Variants in SPTBN1 observed in about 807,000 individuals in gnomAD.
SPTBN1 encodes spectrin beta, non-erythrocytic 1.
SPTBN1 carries 32 observed loss-of-function variants against 266.4 expected under a neutral mutation model. The ratio of observed to expected loss-of-function variants is 0.12; its 90% confidence interval spans 0.09 to 0.16. The LOEUF (loss-of-function observed/expected upper bound fraction) is 0.16, where lower values mean the gene tolerates loss of function less well. SPTBN1 is among the 10% of genes least tolerant of loss of function. SPTBN1 has a pLI of 1.00. For synonymous variants in SPTBN1, 1,336 were observed against 1,162.2 expected, an observed-to-expected ratio of 1.15 and a Z score of -3.04; for missense variants, 2,296 against 3,067.1, an observed-to-expected ratio of 0.75 and a Z score of 5.94.
chr2:54,475,823 T>G (rs1667796933), intron 1 of SPTBN1, among the ~76,000 whole-genome samples: 1 of 152,226 alleles, frequency 6.6e-6, no homozygotes, highest in African/African-American at 2.4e-5. Context: ...TTTAGTTTTC[T>G]TGTGTCAAAG....
chr2:54,539,975 T>A (rs548987716), intron 2 of SPTBN1, among the ~76,000 whole-genome samples: 9 of 152,290 alleles, frequency 5.9e-5, no homozygotes, highest in Non-Finnish European at 1.3e-4. Context: ...GTCATGAAAG[T>A]GGAGCCCTCG....
chr2:54,488,621 CATT>C (rs1454967681), intron 1 of SPTBN1, among the ~76,000 whole-genome samples: 1 of 152,020 alleles, frequency 6.6e-6, no homozygotes, highest in Non-Finnish European at 1.5e-5. Context: ...CAGTGTTGTG[CATT>C]ATTATCTCAT....
rs1680643475 is a variant in SPTBN1 at position 54,656,204 on chromosome 2, C to CCTGA, written c.6046+206_6046+207insCTGA. Reference sequence around the variant, plus strand: ...AGTCATTTTTCACCTCTTGATTGATCTCAGTGTCATAGGTGGGATTTGGAT... The same window carrying CCTGA: ...AGTCATTTTTCACCTCTTGATTGATCCTGATCAGTGTCATAGGTGGGATTTGGAT... On this transcript the variant is annotated intron_variant, in intron 29 of 35. Transcript: ENST00000356805. 2.6e-5 allele frequency among the ~76,000 whole-genome samples: 4 copies of CCTGA among 152,136 alleles called. No homozygotes were observed. In the South Asian group the frequency reaches 8.3e-4, roughly 32 times the overall value.
Position 54,612,310 on chromosome 2 carries a change from C to G in SPTBN1, c.450C>G (p.Ile150Met). Reference protein sequence around the residue: ...DGNHRLTLGLIWTIILRFQIQ... With the variant: ...DGNHRLTLGLMWTIILRFQIQ... ...ACCACCGGCTGACCCTTGGCCTCAT[C>G]TGGACCATCATCCTGCGCTTCCAGG... The change falls in exon 4 of 36, where the codon ATC becomes ATG. Residue 150 changes from isoleucine to methionine, a missense_variant. By Grantham distance (10) the Ile-to-Met change is conservative (BLOSUM62 1). This residue lies in a region of SPTBN1 where 178 missense variants were observed against 375.7 expected (regional missense o/e 0.47). Coordinates refer to ENST00000356805, the MANE Select transcript of SPTBN1 (RefSeq NM_003128.3). 4.3e-6 allele frequency: 7 copies of G among 1,613,422 alleles called. No homozygotes were observed. The highest frequency in any genetic ancestry group is 5.9e-6 in the Non-Finnish European group (7 of 1,179,498).
chr2:54,519,730 G>A (rs1382117364), intron 1 of SPTBN1, among the ~76,000 whole-genome samples: 2 of 152,170 alleles, frequency 1.3e-5, no homozygotes, highest in Admixed American at 6.5e-5. Context: ...TTTTAGCACG[G>A]TCCCTCTGGT....
intron 8 of SPTBN1, 80 bp from the exon 9 acceptor site, chr2:54,622,220 A>C: frequency 2.7e-6 from 4 of 1,455,944 alleles, no homozygotes; most frequent in African/African-American, 1.4e-5. Flanking sequence ...TTTTGTGTGC[A>C]TGCACTCGTA....
chr2:54,632,377 A>G (rs1459947536), intron 16 of SPTBN1, among the ~76,000 whole-genome samples, 189 bp from the exon 17 acceptor site: 1 of 152,184 alleles, frequency 6.6e-6, no homozygotes, highest in Non-Finnish European at 1.5e-5. Flanking sequence ...TTAACCCCTG[A>G]GGGAAATTCG....
chr2:54,667,589 T>G lies in SPTBN1; in HGVS notation c.6834-15T>G. 1 of 1,613,290 alleles carries G rather than the reference T, an allele frequency of 6.2e-7. No individual in the cohort carries two copies. The highest frequency in any genetic ancestry group is 8.5e-7 in the Non-Finnish European group (1 of 1,179,266). On this transcript the variant is annotated splice_polypyrimidine_tract_variant and intron_variant, in intron 34 of 35. Transcript: ENST00000356805. ...GTAATTAAGTGGTGACTAACTTTCT[T>G]CCTTGAAATTACAGACTAAATGATG... is the stretch of plus-strand genomic sequence containing the variant.
At position 54,628,528 on chromosome 2, in the gene SPTBN1, C is replaced by T. The variant is rs1044690252; in HGVS notation, c.1798+278C>T. Among the ~76,000 whole-genome samples, 1 of 152,206 alleles carries T rather than the reference C, an allele frequency of 6.6e-6. No homozygotes were observed. The highest frequency in any genetic ancestry group is 1.5e-5 in the Non-Finnish European group (1 of 68,044). On this transcript the variant is annotated intron_variant, in intron 13 of 35. Transcript: ENST00000356805. This position sits in a 1 kb window ranked among gnomAD's most constrained non-coding sequence, Gnocchi z 4.3. ...TCATACCTCAGTCTCTCTGGCCATG[C>T]ACCGACACCCTGGTGTGGCTGTTCC...
intron 2 of SPTBN1, among the ~76,000 whole-genome samples, chr2:54,555,928 C>T (rs1573403037): frequency 6.6e-6 from 1 of 152,160 alleles, no homozygotes; most frequent in Non-Finnish European, 1.5e-5. Flanking sequence ...CCTCCTTGTC[C>T]TCTGAATTCT....
chr2:54,589,538 A>G (rs1675528595), intron 2 of SPTBN1, among the ~76,000 whole-genome samples: 1 of 152,240 alleles, frequency 6.6e-6, no homozygotes, highest in South Asian at 2.1e-4. Context: ...AGACAATTGC[A>G]TATTTGCTTC....
At chr2:54,662,440 C>A in intron 32 of SPTBN1, 1 of 454,054 alleles carries the variant, frequency 2.2e-6, no homozygotes, top group Non-Finnish European at 2.9e-6. Flanking sequence ...TCAGAAGAGG[C>A]TTCCCTGGCC....
chr2:54,502,306 T>C (rs1669316890), intron 1 of SPTBN1, among the ~76,000 whole-genome samples: 1 of 152,162 alleles, frequency 6.6e-6, no homozygotes, highest in Non-Finnish European at 1.5e-5. Context: ...CTCAGGAACG[T>C]AGCCTGTAGT....
intron 26 of SPTBN1, 126 bp downstream of exon 26, chr2:54,650,115 G>A (rs1220809242): frequency 1.9e-5 from 24 of 1,238,380 alleles, no homozygotes; most frequent in Non-Finnish European, 2.7e-5. Context: ...GCACATACAT[G>A]TACCCACTTT....
At chr2:54,641,958 A>C (rs113592726) in intron 18 of SPTBN1, among the ~76,000 whole-genome samples, 1 of 152,206 alleles carries the variant, frequency 6.6e-6, no homozygotes, top group Non-Finnish European at 1.5e-5. Flanking sequence ...ATTTGTTGTG[A>C]CAATAACTGG....
chr2:54,467,598 T>G (rs1026108538), intron 1 of SPTBN1, among the ~76,000 whole-genome samples: 5 of 152,194 alleles, frequency 3.3e-5, no homozygotes, highest in Admixed American at 1.3e-4. Context: ...TTGGCCAGAC[T>G]GGTCTCGAAC....
chr2:54,475,306 AAC>A (rs1667770826), intron 1 of SPTBN1, among the ~76,000 whole-genome samples: 1 of 152,244 alleles, frequency 6.6e-6, no homozygotes, highest in Admixed American at 6.5e-5. Flanking sequence ...TCCGTTTGGC[AAC>A]AGTTTGTCTC....
intron 2 of SPTBN1, among the ~76,000 whole-genome samples, chr2:54,537,799 TG>T (rs1671698793): frequency 6.6e-6 from 1 of 152,212 alleles, no homozygotes; most frequent in African/African-American, 2.4e-5. Flanking sequence ...CATCTGCTCC[TG>T]GGCTTCACTC....
intron 1 of SPTBN1, among the ~76,000 whole-genome samples, chr2:54,485,671 G>C (rs1244877172): frequency 6.6e-6 from 1 of 151,876 alleles, no homozygotes; most frequent in East Asian, 1.9e-4. Flanking sequence ...GATGTGAGGA[G>C]CCCCTCTGCC....
Sources: gnomAD v4.1 joint callset for allele counts (sites outside exome capture counted in the v4.1 genomes callset) on GRCh38, gnomAD v4.1.1 for gene constraint, gnomAD v4.1.1 regional missense constraint, Gnocchi (gnomAD v3.1) non-coding constraint, MANE v1.5 for transcripts, NCBI Gene and HGNC (gene_info 2026-07-23, HGNC 2026-07-21) for gene names.